GABBR2: variants seen among roughly 807,000 people sequenced by gnomAD.
GABBR2 encodes the protein G-protein coupled receptor 51.
In GABBR2, 23 loss-of-function variants were observed where a neutral mutation model predicts 105.6. The observed-to-expected ratio is 0.22, with a 90% CI of 0.16 to 0.31. The LOEUF (loss-of-function observed/expected upper bound fraction) is 0.31, where lower values mean the gene tolerates loss of function less well. Among genes scored for constraint, GABBR2 ranks in the 10% least tolerant of loss-of-function variants. GABBR2 has a pLI of 1.00. For missense variants in GABBR2, 734 were observed against 1,245.5 expected, an observed-to-expected ratio of 0.59 and a Z score of 6.18; for synonymous variants, 478 against 499.7, an observed-to-expected ratio of 0.96 and a Z score of 0.58.
At chr9:98,674,386 G>C (rs1333307827) in intron 1 of GABBR2, among the ~76,000 whole-genome samples, 1 of 152,160 alleles carries the variant, frequency 6.6e-6, no homozygotes, top group Non-Finnish European at 1.5e-5. Context: ...GGTGCCATAG[G>C]ATCCTTCACC....
At chr9:98,368,213 C>G (rs552750301) in intron 12 of GABBR2, among the ~76,000 whole-genome samples, 9 of 151,758 alleles carry the variant, frequency 5.9e-5, no homozygotes, top group South Asian at 4.2e-4. Context: ...GTCCTCTAAC[C>G]TCATACCCGT....
chr9:98,422,748 C>T (rs1353526068), intron 7 of GABBR2, among the ~76,000 whole-genome samples: 2 of 150,446 alleles, frequency 1.3e-5, no homozygotes, highest in African/African-American at 4.9e-5. Context: ...TCTCCCAATG[C>T]TATCCCTCCC....
intron 2 of GABBR2, among the ~76,000 whole-genome samples, chr9:98,563,635 A>C (rs1828710729): frequency 6.6e-6 from 1 of 152,218 alleles, no homozygotes; most frequent in Non-Finnish European, 1.5e-5. Context: ...TCATGTTAGA[A>C]GAGGCTAAGA....
intron 13 of GABBR2, among the ~76,000 whole-genome samples, chr9:98,325,339 T>A (rs559414614): frequency 7.4e-6 from 1 of 135,636 alleles, no homozygotes; most frequent in African/African-American, 2.8e-5. Context: ...TCACCCAGGC[T>A]GGAGTGCAGT....
At position 98,454,263 on chromosome 9, in the gene GABBR2, G is replaced by A; in HGVS notation, c.1000-46C>T. 1 of 1,335,284 alleles carries A rather than the reference G, an allele frequency of 7.5e-7. No individual in the cohort carries two copies. Among genetic ancestry groups the A allele is most frequent in the Non-Finnish European group, 1.1e-6 (1 of 926,038 alleles). 82.7% of individuals were successfully genotyped at this position (1,335,284 alleles called of 1,614,324 possible). ...GGGAATCCCAAGTTATACTCGGCAG[G>A]GACATCAGGTGCCTGATGCCGAGAA... On this transcript the variant is annotated intron_variant, in intron 6 of 18. Coordinates refer to ENST00000259455, the MANE Select transcript of GABBR2 (RefSeq NM_005458.8). This position sits in a 1 kb window ranked among gnomAD's most constrained non-coding sequence, Gnocchi z 4.6.
intron 1 of GABBR2, among the ~76,000 whole-genome samples, chr9:98,585,432 A>C (rs1457281003): frequency 6.8e-6 from 1 of 146,116 alleles, no homozygotes; most frequent in Non-Finnish European, 1.5e-5. Flanking sequence ...ATAGGTGGGA[A>C]TTGAACAATG....
At chr9:98,457,585 G>A (rs889066511) in intron 6 of GABBR2, among the ~76,000 whole-genome samples, 1 of 152,170 alleles carries the variant, frequency 6.6e-6, no homozygotes, top group Non-Finnish European at 1.5e-5. Flanking sequence ...GGATCAGGAG[G>A]AGGGCCAAGA....
intron 7 of GABBR2, among the ~76,000 whole-genome samples, chr9:98,436,256 T>C (rs1313594976): frequency 2.2e-5 from 3 of 136,090 alleles, no homozygotes; most frequent in Admixed American, 7.6e-5. Context: ...ATCTGATTTC[T>C]TCTGTTATTT....
At chr9:98,507,741 G>C (rs1425095838) in intron 3 of GABBR2, among the ~76,000 whole-genome samples, 1 of 152,098 alleles carries the variant, frequency 6.6e-6, no homozygotes. Context: ...ACAGTCCTGG[G>C]CTCAAGATCC....
At chr9:98,452,080 C>G (rs187557134) in intron 7 of GABBR2, among the ~76,000 whole-genome samples, 2 of 152,340 alleles carry the variant, frequency 1.3e-5, no homozygotes, top group Admixed American at 1.3e-4. Context: ...ATGTGAGCCA[C>G]AGGCTCTAGG....
intron 13 of GABBR2, among the ~76,000 whole-genome samples, chr9:98,317,079 A>C (rs1282160719): frequency 6.6e-6 from 1 of 152,230 alleles, no homozygotes; most frequent in African/African-American, 2.4e-5. Context: ...TAATCGTTAA[A>C]TATTCAACAG....
At chr9:98,602,648 A>C (rs1025254697) in intron 1 of GABBR2, among the ~76,000 whole-genome samples, 1 of 152,156 alleles carries the variant, frequency 6.6e-6, no homozygotes, top group African/African-American at 2.4e-5. Context: ...CGATGATCAT[A>C]ATAATCCTAA....
chr9:98,574,455 T>C (rs1203883778), intron 2 of GABBR2, among the ~76,000 whole-genome samples: 1 of 152,156 alleles, frequency 6.6e-6, no homozygotes, highest in Non-Finnish European at 1.5e-5. Flanking sequence ...TGGAAGCAGA[T>C]CCTTCGGCCC....
At chr9:98,503,917 A>G (rs548835261) in intron 3 of GABBR2, among the ~76,000 whole-genome samples, 1 of 152,174 alleles carries the variant, frequency 6.6e-6, no homozygotes, top group East Asian at 1.9e-4. Flanking sequence ...AGGCATCTGT[A>G]TTTTTAGAGC....
At chr9:98,375,836 A>T (rs1250706245) in intron 11 of GABBR2, among the ~76,000 whole-genome samples, 1 of 152,130 alleles carries the variant, frequency 6.6e-6, no homozygotes, top group African/African-American at 2.4e-5. Flanking sequence ...CCTCCCTTCT[A>T]TGTGGCTCTA....
chr9:98,371,158 T>G (rs1235750312), intron 12 of GABBR2, among the ~76,000 whole-genome samples: 1 of 152,144 alleles, frequency 6.6e-6, no homozygotes, highest in Non-Finnish European at 1.5e-5. Context: ...CCTATGCCCT[T>G]GGCTCAGCCA....
chr9:98,409,570 A>T lies in GABBR2; in HGVS notation c.1237-3429T>A, dbSNP rs115454186. On this transcript the variant is annotated intron_variant, in intron 7 of 18. Coordinates refer to ENST00000259455, the MANE Select transcript of GABBR2 (RefSeq NM_005458.8). The stretch of plus-strand genomic sequence containing the variant: ...CGCCCAGACACCCCACCCAGGATGG[A>T]GGCCCTCCTCCCCAGCGGCTAGCAT... Among the ~76,000 whole-genome samples the T allele has an allele frequency of 1.3e-3, 194 of 152,218 alleles. 1 individual carries two copies. Among genetic ancestry groups the T allele is most frequent in the African/African-American group, 4.2e-3 (173 of 41,548 alleles).
At position 98,394,336 on chromosome 9, in the gene GABBR2, C is replaced by T. The variant is rs1832249254; in HGVS notation, c.1298-81G>A. On this transcript the variant is annotated intron_variant, in intron 8 of 18. Transcript: ENST00000259455. Reference sequence around the variant, plus strand: ...GTGCTCCTATTCCAGGCTCTTGCTCCCCTCACAGGCCCTGGATATATTCTG... The same window carrying T: ...GTGCTCCTATTCCAGGCTCTTGCTCTCCTCACAGGCCCTGGATATATTCTG... 4.5e-6 allele frequency: 4 copies of T among 897,900 alleles called. No individual in the cohort carries two copies. The Admixed American group carries it at 7.2e-5, about 16-fold the overall frequency. The allele number at this position is 897,900 out of a possible 1,614,324, so 55.6% of individuals were successfully genotyped here. A position where few individuals can be genotyped will look rare whatever the true frequency, so the allele number is the denominator to read the frequency against.
At chr9:98,371,329 A>C in intron 12 of GABBR2, 135 bp downstream of exon 12, 2 of 620,430 alleles carry the variant, frequency 3.2e-6, no homozygotes, top group Non-Finnish European at 5.9e-6. Flanking sequence ...AGTAGGGTGA[A>C]GGTGGCAGGA....
Sources: allele counts gnomAD v4.1 joint callset (sites outside exome capture counted in the v4.1 genomes callset), GRCh38; gene constraint gnomAD v4.1.1; non-coding constraint Gnocchi (gnomAD v3.1); transcripts MANE v1.5; gene names NCBI Gene and HGNC (gene_info 2026-07-23, HGNC 2026-07-21).